The following PTPRG variants were observed in gnomAD, a reference collection of about 807,000 sequenced individuals.
PTPRG encodes the protein receptor-type tyrosine-protein phosphatase gamma.
In PTPRG, 102 loss-of-function variants were observed where a neutral mutation model predicts 165.3. The ratio of observed to expected loss-of-function variants is 0.62; its 90% CI spans 0.53 to 0.73. PTPRG has a LOEUF of 0.73. Among genes scored for constraint, PTPRG ranks in the 30% least tolerant of loss-of-function variants. The pLI, the probability that PTPRG is intolerant of heterozygous loss-of-function variation, is 0.00. For synonymous variants in PTPRG, 675 were observed against 669.5 expected, an observed-to-expected ratio of 1.01 and a Z score of -0.13; for missense variants, 1,866 against 1,861.4, an observed-to-expected ratio of 1.00 and a Z score of -0.05.
At chr3:61,795,639 CAAAAAAAAAAAAAA>C (rs145136197) in intron 2 of PTPRG, among the ~76,000 whole-genome samples, 5 of 59,450 alleles carry the variant, frequency 8.4e-5, no homozygotes, top group African/African-American at 2.0e-4. Context: ...GACTCCGTCT[CAAAAAAAAAAAAAA>C]AAAAAAAAAA....
chr3:62,133,867 C>T (rs143376942), intron 6 of PTPRG, among the ~76,000 whole-genome samples: 2,849 of 152,098 alleles, frequency 0.019, 41 homozygotes, highest in African/African-American at 0.045. Context: ...CCTATAATCC[C>T]AGCTACTCGA....
chr3:62,220,216 C>G (rs372911515), intron 13 of PTPRG, among the ~76,000 whole-genome samples: 1 of 152,324 alleles, frequency 6.6e-6, no homozygotes. Context: ...AGAGCAGGAT[C>G]GGGTCATGCT....
At chr3:62,182,588 T>G (rs1167438101) in intron 8 of PTPRG, among the ~76,000 whole-genome samples, 1 of 152,246 alleles carries the variant, frequency 6.6e-6, no homozygotes, top group East Asian at 1.9e-4. Context: ...TGTGTTCACC[T>G]TTATCCATAG....
intron 14 of PTPRG, among the ~76,000 whole-genome samples, chr3:62,236,466 AT>A (rs1420532242): frequency 6.6e-6 from 1 of 152,184 alleles, no homozygotes; most frequent in Non-Finnish European, 1.5e-5. Flanking sequence ...TATTAATGCG[AT>A]TTCTTTTCTT....
intron 8 of PTPRG, among the ~76,000 whole-genome samples, chr3:62,171,661 G>A (rs1705220148): frequency 1.3e-5 from 2 of 151,768 alleles, no homozygotes; most frequent in African/African-American, 2.4e-5. Context: ...TGTTTGGCAT[G>A]TATCAGTAGG....
intron 1 of PTPRG, among the ~76,000 whole-genome samples, chr3:61,670,970 G>A (rs961712012): frequency 6.6e-6 from 1 of 151,998 alleles, no homozygotes; most frequent in African/African-American, 2.4e-5. Flanking sequence ...GTGAGGCCAT[G>A]CTTAAGTTGG....
intron 1 of PTPRG, among the ~76,000 whole-genome samples, chr3:61,600,188 A>G (rs577767599): frequency 0.03 from 4,038 of 132,642 alleles, 88 homozygotes; most frequent in African/African-American, 0.057. Context: ...ATATATATAT[A>G]TATATGTGTG....
rs553538526 is a variant in PTPRG at position 62,213,963 on chromosome 3, G to C, written c.2156-4888G>C. ...AATCCCAGCACTTTGAGTGGGGGCT[G>C]AGGCAGGAGGATCCCTTGAGCCCAG... On this transcript the variant is annotated intron_variant, in intron 12 of 29. Transcript: ENST00000474889. The surrounding 1 kb of genome is among the most constrained non-coding windows in gnomAD (Gnocchi z 4.4). 1.3e-5 allele frequency among the ~76,000 whole-genome samples: 2 copies of C among 152,280 alleles called. No homozygotes were observed. The highest frequency in any genetic ancestry group is 3.9e-4 in the East Asian group (2 of 5,174).
chr3:62,287,932 C>T (rs1702731937), intron 28 of PTPRG, among the ~76,000 whole-genome samples: 1 of 152,120 alleles, frequency 6.6e-6, no homozygotes, highest in South Asian at 2.1e-4. Context: ...GATTACAACC[C>T]ACTTACATTA....
chr3:61,584,374 T>C (rs900668691), intron 1 of PTPRG, among the ~76,000 whole-genome samples: 1 of 152,206 alleles, frequency 6.6e-6, no homozygotes, highest in Admixed American at 6.5e-5. Context: ...AACTACTCCT[T>C]AGAGTGGAGG....
intron 2 of PTPRG, among the ~76,000 whole-genome samples, chr3:61,759,468 A>G (rs1012698421): frequency 2.0e-5 from 3 of 152,098 alleles, no homozygotes; most frequent in Admixed American, 2.0e-4. Context: ...CAGCTTGGGA[A>G]ACAAAGTGAG....
intron 14 of PTPRG, among the ~76,000 whole-genome samples, chr3:62,236,322 A>G (rs1263118122): frequency 6.6e-6 from 1 of 152,218 alleles, no homozygotes; most frequent in Non-Finnish European, 1.5e-5. Context: ...TTGCCCTAAT[A>G]AATCAATCCA....
intron 2 of PTPRG, among the ~76,000 whole-genome samples, chr3:61,899,712 T>A (rs917338950): frequency 2.3e-4 from 35 of 152,116 alleles, no homozygotes; most frequent in African/African-American, 8.5e-4. Flanking sequence ...TTCAGTAGAT[T>A]TGGGGGCAGG....
chr3:62,221,637 G>A (rs1288607586), intron 13 of PTPRG, among the ~76,000 whole-genome samples: 10 of 152,144 alleles, frequency 6.6e-5, no homozygotes, highest in Non-Finnish European at 5.9e-5. Flanking sequence ...CTGGATGATT[G>A]GCAAACAGAC....
At chr3:62,116,243 TAGTA>T (rs1349458300) in intron 5 of PTPRG, among the ~76,000 whole-genome samples, 1 of 152,156 alleles carries the variant, frequency 6.6e-6, no homozygotes, top group Non-Finnish European at 1.5e-5. Flanking sequence ...AAAATCCATC[TAGTA>T]TCAGGTAGGC....
chr3:61,803,513 G>GGTTCATGT (rs2035319908), intron 2 of PTPRG, among the ~76,000 whole-genome samples: 1 of 126,386 alleles, frequency 7.9e-6, no homozygotes, highest in Non-Finnish European at 1.6e-5. Flanking sequence ...TGGACAACAT[G>GGTTCATGT]TAATGCCTCA....
chr3:61,766,317 A>C lies in PTPRG; in HGVS notation c.190+17335A>C, dbSNP rs550423958. ...CCCAAAGAAATGTTGGCATTATTTTAACATCTTTTTCCTACCCTGGATTCT... is the reference window on the plus strand; with the variant it reads ...CCCAAAGAAATGTTGGCATTATTTTCACATCTTTTTCCTACCCTGGATTCT... On this transcript the variant is annotated intron_variant, in intron 2 of 29. Coordinates refer to ENST00000474889, the MANE Select transcript of PTPRG (RefSeq NM_002841.4). Among the ~76,000 whole-genome samples, 3 of 152,310 alleles carry C rather than the reference A, an allele frequency of 2.0e-5. No homozygotes were observed. In the South Asian group the frequency reaches 6.2e-4, roughly 32 times the overall value.
At chr3:62,055,299 G>A (rs1470060901) in intron 4 of PTPRG, among the ~76,000 whole-genome samples, 2 of 152,192 alleles carry the variant, frequency 1.3e-5, no homozygotes, top group African/African-American at 4.8e-5. Flanking sequence ...ATTGCAAAAT[G>A]TGTTAAAAAA....
chr3:61,930,116 T>C (rs2039322338), intron 2 of PTPRG, among the ~76,000 whole-genome samples: 1 of 151,864 alleles, frequency 6.6e-6, no homozygotes, highest in South Asian at 2.1e-4. Context: ...ATTGCCAGTA[T>C]AAGTATTTAT....
Sources: allele counts gnomAD v4.1 joint callset (sites outside exome capture counted in the v4.1 genomes callset), GRCh38; gene constraint gnomAD v4.1.1; non-coding constraint Gnocchi (gnomAD v3.1); transcripts MANE v1.5; gene names NCBI Gene and HGNC (gene_info 2026-07-23, HGNC 2026-07-21).